The following ASIC2 variants were observed in gnomAD, a reference collection of about 807,000 sequenced individuals.
ASIC2 encodes the protein acid sensing ion channel subunit 2.
ASIC2 carries 25 observed loss-of-function variants against 57.3 expected under a neutral mutation model. That is an observed-to-expected ratio of 0.44 (90% CI 0.32 to 0.61). The LOEUF is 0.61. Among genes scored for constraint, ASIC2 ranks in the 20% least tolerant of loss-of-function variants. The probability of loss-of-function intolerance (pLI) is 0.06; values close to 1 mark genes in which losing one functional copy is unlikely to be tolerated. For missense variants in ASIC2, 641 were observed against 738.1 expected (o/e 0.87, Z 1.52); for synonymous variants, 319 against 307.5 (o/e 1.04, Z -0.39).
intron 1 of ASIC2, among the ~76,000 whole-genome samples, chr17:33,894,530 G>A (rs1023877910): frequency 6.6e-6 from 1 of 152,076 alleles, no homozygotes; most frequent in African/African-American, 2.4e-5. Context: ...TTGTCCCTGA[G>A]TGGTTGAGAG....
chr17:33,257,307 A>G (rs57751842), intron 1 of ASIC2, among the ~76,000 whole-genome samples: 17,129 of 152,098 alleles, frequency 0.11, 1,129 homozygotes, highest in East Asian at 0.24. Context: ...CCGATGTCTC[A>G]TGGGTGAGGC....
intron 1 of ASIC2, among the ~76,000 whole-genome samples, chr17:33,541,706 T>C (rs934213381): frequency 2.6e-5 from 4 of 152,166 alleles, no homozygotes; most frequent in Admixed American, 6.5e-5. Context: ...GCCACCTTCA[T>C]GCATTTACCT....
intron 1 of ASIC2, among the ~76,000 whole-genome samples, chr17:33,408,991 A>T (rs1910563913): frequency 6.6e-6 from 1 of 152,168 alleles, no homozygotes; most frequent in South Asian, 2.1e-4. Context: ...AGGTGGGTGG[A>T]TCGTTTGAGC....
At chr17:33,393,274 T>C (rs1006384937) in intron 1 of ASIC2, among the ~76,000 whole-genome samples, 8 of 152,180 alleles carry the variant, frequency 5.3e-5, no homozygotes, top group African/African-American at 1.7e-4. Flanking sequence ...CTCAGAGTCA[T>C]TGTGGCACTG....
intron 1 of ASIC2, among the ~76,000 whole-genome samples, chr17:33,452,913 G>A (rs146338447): frequency 3.3e-5 from 5 of 152,172 alleles, no homozygotes; most frequent in South Asian, 2.1e-4. Flanking sequence ...AAGCTCCTCC[G>A]AATCAAACTG....
At chr17:33,610,050 A>T (rs956189941) in intron 1 of ASIC2, among the ~76,000 whole-genome samples, 6 of 129,932 alleles carry the variant, frequency 4.6e-5, no homozygotes, top group African/African-American at 1.9e-4. Flanking sequence ...CCCTGGACAG[A>T]GGCGCACACA....
chr17:33,693,520 G>A (rs1908436002), intron 1 of ASIC2, among the ~76,000 whole-genome samples: 1 of 152,194 alleles, frequency 6.6e-6, no homozygotes, highest in Non-Finnish European at 1.5e-5. Context: ...GGAGGCAGAT[G>A]AAATTGATAC....
At chr17:33,993,665 G>T (rs1369727487) in intron 1 of ASIC2, among the ~76,000 whole-genome samples, 1 of 152,160 alleles carries the variant, frequency 6.6e-6, no homozygotes, top group Non-Finnish European at 1.5e-5. Context: ...AAAATGAAGT[G>T]GGTAGCACAT....
At chr17:33,094,267 G>A (rs982342860) in intron 2 of ASIC2, among the ~76,000 whole-genome samples, 1 of 152,110 alleles carries the variant, frequency 6.6e-6, no homozygotes, top group South Asian at 2.1e-4. Flanking sequence ...AACTCCATTT[G>A]CTGGGTCACT....
chr17:33,376,110 T>C (rs1461270354), intron 1 of ASIC2, among the ~76,000 whole-genome samples: 2 of 152,138 alleles, frequency 1.3e-5, no homozygotes, highest in African/African-American at 2.4e-5. Context: ...CTGGAAGACA[T>C]ACCCTAAGGA....
chr17:33,764,190 AC>A (rs769624833), intron 1 of ASIC2, among the ~76,000 whole-genome samples: 97 of 152,092 alleles, frequency 6.4e-4, no homozygotes, highest in Non-Finnish European at 1.1e-3. Flanking sequence ...GGTGGCGGGC[AC>A]CTGTAGTCCC....
intron 1 of ASIC2, among the ~76,000 whole-genome samples, chr17:33,383,467 G>A (rs1016643730): frequency 2.0e-5 from 3 of 152,178 alleles, no homozygotes; most frequent in Admixed American, 6.5e-5. Context: ...AAATGGATAC[G>A]CAGAAAATTA....
intron 1 of ASIC2, among the ~76,000 whole-genome samples, chr17:34,095,689 A>G (rs1046590730): frequency 2.1e-5 from 3 of 143,240 alleles, no homozygotes; most frequent in African/African-American, 2.5e-5. Context: ...AGATATATAT[A>G]ATTTTATATA....
At chr17:33,320,040 C>A (rs1906808894) in intron 1 of ASIC2, among the ~76,000 whole-genome samples, 1 of 151,808 alleles carries the variant, frequency 6.6e-6, no homozygotes, top group Non-Finnish European at 1.5e-5. Flanking sequence ...TGGGATGAAT[C>A]CCTGGGATGA....
intron 1 of ASIC2, among the ~76,000 whole-genome samples, chr17:33,946,916 A>C (rs574618742): frequency 2.6e-5 from 4 of 152,224 alleles, no homozygotes; most frequent in Non-Finnish European, 4.4e-5. Flanking sequence ...TTTGGGGTGA[A>C]GGGGAGGAGA....
At chr17:33,050,659 T>G (rs1304318433) in intron 3 of ASIC2, among the ~76,000 whole-genome samples, 1 of 152,200 alleles carries the variant, frequency 6.6e-6, no homozygotes. Context: ...ACATCATAGA[T>G]GAGCAGATGC....
intron 1 of ASIC2, among the ~76,000 whole-genome samples, chr17:33,899,772 T>C (rs1911834946): frequency 6.6e-6 from 1 of 152,244 alleles, no homozygotes; most frequent in South Asian, 2.1e-4. Flanking sequence ...GATGTCTTCA[T>C]GTTTTGTAGA....
At chr17:34,007,290 T>C (rs1482683665) in intron 1 of ASIC2, among the ~76,000 whole-genome samples, 1 of 152,210 alleles carries the variant, frequency 6.6e-6, no homozygotes, top group Non-Finnish European at 1.5e-5. Context: ...TCAGGGAGCC[T>C]TTGAACTCAT....
At chr17:33,667,569 G>C (rs570749844) in intron 1 of ASIC2, among the ~76,000 whole-genome samples, 1 of 152,304 alleles carries the variant, frequency 6.6e-6, no homozygotes, top group Non-Finnish European at 1.5e-5. Flanking sequence ...GAACCAGACA[G>C]CTTGGATTTT....
Sources: gnomAD v4.1 joint callset for allele counts (sites outside exome capture counted in the v4.1 genomes callset) on GRCh38, gnomAD v4.1.1 for gene constraint, MANE v1.5 for transcripts, NCBI Gene and HGNC (gene_info 2026-07-23, HGNC 2026-07-21) for gene names.